The following SORCS2 variants were observed in gnomAD, a reference collection of about 807,000 sequenced individuals.
The protein encoded by SORCS2 is sortilin related VPS10 domain containing receptor 2.
SORCS2 carries 100 observed loss-of-function variants against 141.6 expected under a neutral mutation model. The ratio of observed to expected loss-of-function variants is 0.71; its 90% confidence interval spans 0.60 to 0.83. SORCS2 has a LOEUF of 0.83. SORCS2 is among the 40% of genes least tolerant of loss of function. The probability of loss-of-function intolerance (pLI) is 0.00; values close to 1 mark genes in which losing one functional copy is unlikely to be tolerated. For synonymous variants in SORCS2, 789 were observed against 676.9 expected (o/e 1.17, Z -2.57); for missense variants, 1,646 against 1,560.2 (o/e 1.05, Z -0.93).
intron 14 of SORCS2, among the ~76,000 whole-genome samples, chr4:7,706,813 C>T (rs577520066): frequency 6.6e-6 from 1 of 151,760 alleles, no homozygotes; most frequent in African/African-American, 2.4e-5. Flanking sequence ...AGGCTGGGCT[C>T]TGTCTGGGCA....
intron 2 of SORCS2, among the ~76,000 whole-genome samples, chr4:7,477,912 A>AACTGATGC (rs1174003257): frequency 6.6e-6 from 1 of 152,194 alleles, no homozygotes; most frequent in African/African-American, 2.4e-5. Context: ...CAGTGAGGTA[A>AACTGATGC]ACTGATGCAC....
At chr4:7,672,715 G>A (rs1366192502) in intron 8 of SORCS2, among the ~76,000 whole-genome samples, 1 of 152,058 alleles carries the variant, frequency 6.6e-6, no homozygotes, top group African/African-American at 2.4e-5. Flanking sequence ...TATCCATTCT[G>A]CCCCTTCGTC....
chr4:7,542,784 G>A (rs1712783840), intron 3 of SORCS2, among the ~76,000 whole-genome samples: 1 of 152,264 alleles, frequency 6.6e-6, no homozygotes, highest in Non-Finnish European at 1.5e-5. Flanking sequence ...CAGATGGGGA[G>A]GCCAAGGCTC....
chr4:7,230,345 A>G (rs1409770923), intron 1 of SORCS2, among the ~76,000 whole-genome samples: 2 of 84,146 alleles, frequency 2.4e-5, no homozygotes, highest in African/African-American at 1.0e-4. Flanking sequence ...GGGCAGGACT[A>G]GTGTCATGTG....
At position 7,600,377 on chromosome 4, in the gene SORCS2, G is replaced by C. The variant is rs58625200; in HGVS notation, c.649-37951G>C. Among the ~76,000 whole-genome samples, 1,031 of 152,312 alleles carry C rather than the reference G, an allele frequency of 6.8e-3. 17 individuals are homozygous for C. Among genetic ancestry groups the C allele is most frequent in the African/African-American group, 0.024 (989 of 41,576 alleles). ...GCGTGGAGGCTTCCCTCTAGAAGCA[G>C]TGATCCACATGCCAGGCGCTTGGCA... On this transcript the variant is annotated intron_variant, in intron 3 of 26. Coordinates refer to ENST00000507866, the MANE Select transcript of SORCS2 (RefSeq NM_020777.3).
intron 1 of SORCS2, among the ~76,000 whole-genome samples, chr4:7,254,598 A>G (rs1019922189): frequency 6.6e-6 from 1 of 152,204 alleles, no homozygotes; most frequent in Non-Finnish European, 1.5e-5. Context: ...CCACTATACC[A>G]TCTATGTGTA....
chr4:7,453,384 C>CTG (rs1728619171), intron 2 of SORCS2, among the ~76,000 whole-genome samples: 1 of 122,174 alleles, frequency 8.2e-6, no homozygotes, highest in African/African-American at 3.3e-5. Flanking sequence ...GGGTCAGGCA[C>CTG]TGTGTTGGGG....
At chr4:7,361,558 T>C (rs1721580519) in intron 1 of SORCS2, among the ~76,000 whole-genome samples, 2 of 152,246 alleles carry the variant, frequency 1.3e-5, no homozygotes, top group Admixed American at 1.3e-4. Flanking sequence ...GCCCCCTGCC[T>C]CTGTTATCAT....
intron 1 of SORCS2, among the ~76,000 whole-genome samples, chr4:7,222,567 A>C (rs10010462): frequency 0.35 from 53,344 of 151,982 alleles, 10,012 homozygotes; most frequent in East Asian, 0.54. Context: ...GGGGTCTGTG[A>C]ATATGCTGAC....
At chr4:7,734,239 G>T in intron 24 of SORCS2, 33 bp from the exon 25 acceptor site, 1 of 1,524,988 alleles carries the variant, frequency 6.6e-7, no homozygotes. Context: ...GGCGGTGCCC[G>T]AGGTCCTCCA....
At chr4:7,669,704 A>G (rs960321263) in intron 8 of SORCS2, among the ~76,000 whole-genome samples, 10 of 152,106 alleles carry the variant, frequency 6.6e-5, no homozygotes, top group African/African-American at 2.4e-4. Context: ...CAGGGGACTC[A>G]CCCGCAAACC....
chr4:7,443,732 C>A (rs1227383821), intron 2 of SORCS2, among the ~76,000 whole-genome samples: 5 of 152,264 alleles, frequency 3.3e-5, no homozygotes. Context: ...TCCGAGGCCT[C>A]AGCACCTTGG....
At chr4:7,410,928 C>G (rs1218569672) in intron 2 of SORCS2, among the ~76,000 whole-genome samples, 1 of 149,804 alleles carries the variant, frequency 6.7e-6, no homozygotes, top group Non-Finnish European at 1.5e-5. Context: ...CCCCTGGGCC[C>G]AGCAGCCTCT....
chr4:7,584,610 A>G (rs1409560949), intron 3 of SORCS2, among the ~76,000 whole-genome samples: 1 of 152,198 alleles, frequency 6.6e-6, no homozygotes, highest in Admixed American at 6.5e-5. Context: ...TCACTCTAAG[A>G]AACCAGGCTG....
chr4:7,660,912 C>G (rs1577910648), intron 5 of SORCS2, among the ~76,000 whole-genome samples: 1 of 152,144 alleles, frequency 6.6e-6, no homozygotes, highest in Non-Finnish European at 1.5e-5. Flanking sequence ...GCAATCTTCC[C>G]AAGGCCACAC....
chr4:7,373,911 A>G (rs111445908), intron 1 of SORCS2, among the ~76,000 whole-genome samples: 1,866 of 152,226 alleles, frequency 0.012, 20 homozygotes, highest in African/African-American at 0.021. Context: ...ATGTTGATGA[A>G]TTCCGTTTAT....
At chr4:7,522,261 G>A (rs1043463403) in intron 2 of SORCS2, among the ~76,000 whole-genome samples, 4 of 152,200 alleles carry the variant, frequency 2.6e-5, no homozygotes, top group Middle Eastern at 3.4e-3. Context: ...CTGCACATAC[G>A]TCCCCGCCAA....
chr4:7,371,272 C>T (rs1407456286), intron 1 of SORCS2, among the ~76,000 whole-genome samples: 1 of 152,176 alleles, frequency 6.6e-6, no homozygotes, highest in Non-Finnish European at 1.5e-5. Flanking sequence ...CCGCAGCTGC[C>T]TGCGCCCTGT....
At chr4:7,294,055 C>T (rs1030269107) in intron 1 of SORCS2, among the ~76,000 whole-genome samples, 3 of 152,176 alleles carry the variant, frequency 2.0e-5, no homozygotes, top group East Asian at 1.9e-4. Context: ...TCCTACCTTC[C>T]GGAAGGTCAG....
Sources: gnomAD v4.1 joint callset for allele counts (sites outside exome capture counted in the v4.1 genomes callset) on GRCh38, gnomAD v4.1.1 for gene constraint, MANE v1.5 for transcripts, NCBI Gene and HGNC (gene_info 2026-07-23, HGNC 2026-07-21) for gene names.